The following GNAT3 variants were observed in gnomAD, a reference collection of about 807,000 sequenced individuals.
GNAT3 encodes the protein guanine nucleotide-binding protein G(t) subunit alpha-3.
In GNAT3, 31 loss-of-function variants were observed where a neutral mutation model predicts 37.7. That is an observed-to-expected ratio of 0.82 (90% CI 0.62 to 1.11). GNAT3 has a LOEUF of 1.11. Among genes scored for constraint, GNAT3 ranks in the 50% most tolerant of loss-of-function variants. The probability of loss-of-function intolerance (pLI) is 0.00; values close to 1 mark genes in which losing one functional copy is unlikely to be tolerated. For missense variants in GNAT3, 437 were observed against 412.5 expected (o/e 1.06, Z -0.51); for synonymous variants, 138 against 139.8 (o/e 0.99, Z 0.09).
At chr7:80,486,632 CTTTTTTTTTTTTTT>C (rs762169940) in intron 3 of GNAT3, 1 of 98,410 alleles carries the variant, frequency 1.0e-5, no homozygotes, top group African/African-American at 4.8e-5. Context: ...TTTTCTTTTC[CTTTTTTTTTTTTTT>C]TTTTTTTTTA....
chr7:80,503,806 C>A (rs1009404898), intron 1 of GNAT3, among the ~76,000 whole-genome samples: 7 of 152,072 alleles, frequency 4.6e-5, no homozygotes, highest in African/African-American at 1.4e-4. Flanking sequence ...TATGGGTCAA[C>A]AAATTGAGCA....
Position 80,511,809 on chromosome 7 carries a change from C to T in GNAT3, c.118G>A (p.Gly40Arg), listed in dbSNP as rs745305676. Residue 40 changes from glycine to arginine, a missense_variant and splice_region_variant, in exon 1 of 8, where the codon GGA becomes AGA. Physicochemically the swap from Gly to Arg is moderately radical, Grantham distance 125. Coordinates refer to ENST00000398291, the MANE Select transcript of GNAT3 (RefSeq NM_001102386.3). ...DARTVKLLLL[G>R]AGESGKSTIV... ...GAAAGCAAAAGGGAAAAGAAATTACCTAATAGTAGCAGCTTTACGGTTCTT... is the reference window on the plus strand; with the variant it reads ...GAAAGCAAAAGGGAAAAGAAATTACTTAATAGTAGCAGCTTTACGGTTCTT... 2 of 1,590,554 alleles carry T rather than the reference C, an allele frequency of 1.3e-6. No homozygotes were observed. Among genetic ancestry groups the T allele is most frequent in the South Asian group, 2.2e-5 (2 of 89,570 alleles).
rs1449878853 is a variant in GNAT3, at chr7:80,470,152, A to G, written c.590+4099T>C. Among the ~76,000 whole-genome samples, 3 of 152,346 alleles carry G rather than the reference A, an allele frequency of 2.0e-5. No homozygotes were observed. In the East Asian group the frequency reaches 5.8e-4, roughly 29 times the overall value. On this transcript the variant is annotated intron_variant, in intron 5 of 7. Transcript: ENST00000398291. ...CAGAGGAAAAGCAAAGGCTCTTAAAAAAACAAGCTTGATACCTGTTTTAGT... is the reference window on the plus strand; with the variant it reads ...CAGAGGAAAAGCAAAGGCTCTTAAAGAAACAAGCTTGATACCTGTTTTAGT...
intron 5 of GNAT3, among the ~76,000 whole-genome samples, chr7:80,465,699 C>T (rs989893017): frequency 1.3e-5 from 2 of 152,114 alleles, no homozygotes; most frequent in African/African-American, 2.4e-5. Flanking sequence ...ACTGTGGAGT[C>T]TATCCTTCTC....
intron 3 of GNAT3, among the ~76,000 whole-genome samples, chr7:80,481,602 A>G (rs1301202116): frequency 6.6e-6 from 1 of 152,188 alleles, no homozygotes; most frequent in Non-Finnish European, 1.5e-5. Context: ...AAATAACAAG[A>G]AAATAAAAGC....
chr7:80,497,543 CACATATACGTATATACATATACGTATAT>C (rs1239893205), intron 1 of GNAT3, among the ~76,000 whole-genome samples: 109 of 106,466 alleles, frequency 1.0e-3, no homozygotes, highest in Non-Finnish European at 1.3e-3. Flanking sequence ...TATATATATA[CACATATACGTATATACATATACGTATAT>C]ACATATACGT....
chr7:80,459,431 T>C (rs1584163334), intron 7 of GNAT3, among the ~76,000 whole-genome samples: 1 of 152,284 alleles, frequency 6.6e-6, no homozygotes, highest in South Asian at 2.1e-4. Context: ...GTAGAATAGA[T>C]GTTATGGGCT....
At chr7:80,460,890 G>C (rs1173016567) in intron 7 of GNAT3, among the ~76,000 whole-genome samples, 1 of 152,086 alleles carries the variant, frequency 6.6e-6, no homozygotes, top group Non-Finnish European at 1.5e-5. Context: ...GGATGGGAAA[G>C]AAAGTACATG....
intron 3 of GNAT3, among the ~76,000 whole-genome samples, chr7:80,479,799 GTT>G (rs908156127): frequency 1.5e-5 from 2 of 134,984 alleles, no homozygotes; most frequent in African/African-American, 5.4e-5. Flanking sequence ...AATATATAAT[GTT>G]TTTTTGTCAT....
chr7:80,497,602 A>ACACACAC (rs1790749960), intron 1 of GNAT3, among the ~76,000 whole-genome samples: 1 of 120,754 alleles, frequency 8.3e-6, no homozygotes, highest in Non-Finnish European at 1.7e-5. Context: ...ACGTATATAC[A>ACACACAC]TATACGTATA....
rs1246491968 is a variant in GNAT3 at position 80,511,830 on chromosome 7, T to C, written c.97A>G (p.Thr33Ala). 1.2e-6 allele frequency: 2 copies of C among 1,610,760 alleles called. No homozygotes were observed. Among genetic ancestry groups the C allele is most frequent in the Non-Finnish European group, 1.7e-6 (2 of 1,177,728 alleles). The change falls in exon 1 of 8, where the codon ACC becomes GCC. Residue 33 changes from threonine (T) to alanine (A), a missense_variant. Physicochemically the swap from Thr to Ala is moderately conservative, Grantham distance 58 (BLOSUM62 0). Transcript: ENST00000398291. ...TTACCTAATAGTAGCAGCTTTACGG[T>C]TCTTGCATCTCGCTCAGCATCCTCC... ...LQEDAERDAR[T>A]VKLLLLGAGE...
chr7:80,497,888 T>G (rs1046001234), intron 1 of GNAT3, among the ~76,000 whole-genome samples: 5 of 152,062 alleles, frequency 3.3e-5, no homozygotes, highest in Non-Finnish European at 1.5e-5. Flanking sequence ...TACAATAAAG[T>G]GAAAATAATT....
chr7:80,491,078 G>A (rs1344420685), intron 2 of GNAT3, among the ~76,000 whole-genome samples: 4 of 152,114 alleles, frequency 2.6e-5, no homozygotes, highest in Non-Finnish European at 5.9e-5. Context: ...TGGCAGTGTG[G>A]ATAATGCAAT....
At chr7:80,485,515 C>T (rs1226801803) in intron 3 of GNAT3, among the ~76,000 whole-genome samples, 2 of 152,088 alleles carry the variant, frequency 1.3e-5, no homozygotes, top group Non-Finnish European at 2.9e-5. Flanking sequence ...CATATAGCTG[C>T]ACAGCCTTTT....
intron 6 of GNAT3, 62 bp from the exon 7 acceptor site, chr7:80,462,374 A>G (rs1790065039): frequency 2.6e-6 from 4 of 1,562,922 alleles, no homozygotes; most frequent in Non-Finnish European, 3.5e-6. Context: ...AATGTTGAGC[A>G]TCATGAACAA....
intron 1 of GNAT3, among the ~76,000 whole-genome samples, chr7:80,506,409 A>G (rs1790941531): frequency 6.6e-6 from 1 of 152,214 alleles, no homozygotes; most frequent in South Asian, 2.1e-4. Context: ...TAAAACAATC[A>G]GTCAAATATA....
chr7:80,508,280 AC>A (rs1178202142), intron 1 of GNAT3, among the ~76,000 whole-genome samples: 1 of 151,688 alleles, frequency 6.6e-6, no homozygotes, highest in Non-Finnish European at 1.5e-5. Context: ...TGCAAAAAAA[AC>A]AAACGAAACT....
chr7:80,510,965 T>C (rs1185134782), intron 1 of GNAT3, among the ~76,000 whole-genome samples: 3 of 152,146 alleles, frequency 2.0e-5, no homozygotes, highest in Non-Finnish European at 4.4e-5. Flanking sequence ...GTACAACTCA[T>C]AATTGAATCA....
rs554520973 is a variant in GNAT3 at position 80,473,568 on chromosome 7, A to G, written c.590+683T>C. 4.6e-5 allele frequency among the ~76,000 whole-genome samples: 7 copies of G among 152,252 alleles called. No individual in the cohort carries two copies. The East Asian group carries it at 1.2e-3, about 25-fold the overall frequency. On this transcript the variant is annotated intron_variant, in intron 5 of 7. Coordinates refer to ENST00000398291, the MANE Select transcript of GNAT3 (RefSeq NM_001102386.3). ...CTAAACAATGCAGCTAGAACCTGCTATTAATGTTTAATATTCCATATTGTC... is the reference window on the plus strand; with the variant it reads ...CTAAACAATGCAGCTAGAACCTGCTGTTAATGTTTAATATTCCATATTGTC...
Sources: gnomAD v4.1 joint callset for allele counts (sites outside exome capture counted in the v4.1 genomes callset) on GRCh38, gnomAD v4.1.1 for gene constraint, MANE v1.5 for transcripts, NCBI Gene and HGNC (gene_info 2026-07-23, HGNC 2026-07-21) for gene names.